Variants in CNOT6 observed in about 807,000 individuals in gnomAD.
CNOT6 encodes the protein carbon catabolite repression 4 protein.
In CNOT6, 12 loss-of-function variants were observed where a neutral mutation model predicts 61.2. The observed-to-expected ratio is 0.20, with a 90% confidence interval of 0.13 to 0.32. The LOEUF is 0.32. Ranked by LOEUF, CNOT6 falls within the 10% of genes least tolerant of loss-of-function variation. CNOT6 has a pLI of 1.00. For synonymous variants in CNOT6, 225 were observed against 240.6 expected, an observed-to-expected ratio of 0.94 and a Z score of 0.60; for missense variants, 405 against 663.9, an observed-to-expected ratio of 0.61 and a Z score of 4.28.
chr5:180,573,584 TGTGTGTGTGTGTGTGTGTCC>T lies in CNOT6; in HGVS notation c.1462-401_1462-382del, dbSNP rs1239468224. On this transcript the variant is annotated intron_variant, in intron 11 of 11. Coordinates refer to ENST00000261951, the MANE Select transcript of CNOT6 (RefSeq NM_001370472.1). Reference sequence around the variant, plus strand: ...GTGTGTGTGTGTGTGTGTGTGTGTGTGTGTGTGTGTGTGTGTGTCCGTCCGTCCGTCCGTCCTGGGGCAGG... The same window carrying T: ...GTGTGTGTGTGTGTGTGTGTGTGTGTGTCCGTCCGTCCGTCCTGGGGCAGG... Among the ~76,000 whole-genome samples the T allele has an allele frequency of 6.2e-3, 195 of 31,648 alleles. 2 individuals are homozygous for T. Among genetic ancestry groups the T allele is most frequent in the East Asian group, 0.019 (3 of 160 alleles). The allele number at this position is 31,648 out of a possible 152,430, so 20.8% of individuals were successfully genotyped here.
At chr5:180,500,442 T>TTTC (rs1475909085) in intron 1 of CNOT6, among the ~76,000 whole-genome samples, 329 of 1,698 alleles carry the variant, frequency 0.19, 1 homozygote, top group Middle Eastern at 0.5. Context: ...TTTTCTTTTC[T>TTTC]TTTTTTTTTT....
At chr5:180,530,479 A>G (rs1037764664) in intron 2 of CNOT6, among the ~76,000 whole-genome samples, 1 of 152,082 alleles carries the variant, frequency 6.6e-6, no homozygotes, top group African/African-American at 2.4e-5. Flanking sequence ...TAACCTGTTG[A>G]GTAAACTTAA....
At chr5:180,509,262 G>C (rs1274278633) in intron 1 of CNOT6, among the ~76,000 whole-genome samples, 1 of 152,142 alleles carries the variant, frequency 6.6e-6, no homozygotes, top group African/African-American at 2.4e-5. Context: ...CTCCCAAGTA[G>C]CTGGAACTAC....
chr5:180,573,549 G>A (rs1760859827), intron 11 of CNOT6, among the ~76,000 whole-genome samples: 1 of 138,170 alleles, frequency 7.2e-6, no homozygotes, highest in Non-Finnish European at 1.5e-5. Flanking sequence ...GGTGGAGGGG[G>A]GCAGTGTGTG....
chr5:180,554,603 T>G (rs1474044587), intron 4 of CNOT6, among the ~76,000 whole-genome samples: 2 of 151,948 alleles, frequency 1.3e-5, no homozygotes, highest in Non-Finnish European at 2.9e-5. Context: ...TGGTTTGTAA[T>G]TTTTTTTCTG....
At chr5:180,508,901 C>T (rs1757257616) in intron 1 of CNOT6, among the ~76,000 whole-genome samples, 1 of 151,524 alleles carries the variant, frequency 6.6e-6, no homozygotes, top group African/African-American at 2.4e-5. Flanking sequence ...TGGCTCGCTG[C>T]AACTCTCACC....
intron 1 of CNOT6, among the ~76,000 whole-genome samples, chr5:180,502,863 T>C (rs1433553380): frequency 6.6e-6 from 1 of 152,258 alleles, no homozygotes; most frequent in Non-Finnish European, 1.5e-5. Context: ...TGTAAGGTTA[T>C]GTATTGTTGT....
chr5:180,564,238 A>G (rs141198001), intron 4 of CNOT6, among the ~76,000 whole-genome samples: 300 of 152,320 alleles, frequency 2.0e-3, no homozygotes, highest in South Asian at 0.012. Flanking sequence ...GCAGGGTCAG[A>G]TATAGAGCAC....
rs2127773060 is a variant in CNOT6, at chr5:180,576,771, T to G, written c.*2571T>G. ...AGATATTTTCCGTGTCCTAAATAAT[T>G]TTCAATAATCTATAATCCCTAAAAT... is the stretch of plus-strand genomic sequence containing the variant. On this transcript the variant is annotated 3_prime_UTR_variant, in exon 12 of 12. Transcript: ENST00000261951. The G allele has an allele frequency of 6.6e-6, 1 of 152,352 alleles. No homozygotes were observed. The highest frequency in any genetic ancestry group is 2.4e-5 in the African/African-American group (1 of 41,580). The allele number at this position is 152,352 out of a possible 1,614,324, so 9.4% of individuals were successfully genotyped here.
intron 11 of CNOT6, among the ~76,000 whole-genome samples, chr5:180,573,590 TGTGTGTGTGTGTCCGTCC>T (rs1561669475): frequency 4.4e-5 from 2 of 45,916 alleles, no homozygotes; most frequent in African/African-American, 1.2e-4. Context: ...TGTGTGTGTG[TGTGTGTGTGTGTCCGTCC>T]GTCCGTCCGT....
rs1474022647 is a variant in CNOT6 at position 180,550,003 on chromosome 5, C to T, written c.185C>T (p.Ser62Phe). ...HLTALHLSDN[S>F]LSRIPSDIAK... ...ACAGCTTTGCATTTGAGTGACAATT[C>T]CCTGTCCCGAATTCCTTCAGACATT... The change falls in exon 3 of 12, where the codon TCC (serine) becomes TTC (phenylalanine). Residue 62 changes from serine (S) to phenylalanine (F), a missense_variant. Transcript: ENST00000261951. 1 of 1,614,024 alleles carries T rather than the reference C, an allele frequency of 6.2e-7. No homozygotes were observed. Among genetic ancestry groups the T allele is most frequent in the Non-Finnish European group, 8.5e-7 (1 of 1,179,930 alleles).
rs1760752053 is a variant in CNOT6, at chr5:180,571,598, CTCTGT to C, written c.1461+168_1461+172del. Among the ~76,000 whole-genome samples, 9 of 152,314 alleles carry C rather than the reference CTCTGT, an allele frequency of 5.9e-5. No individual in the cohort carries two copies. The South Asian group carries it at 1.9e-3, about 32-fold the overall frequency. On this transcript the variant is annotated intron_variant, in intron 11 of 11. Coordinates refer to ENST00000261951, the MANE Select transcript of CNOT6 (RefSeq NM_001370472.1). Reference sequence around the variant, plus strand: ...GTTTTTTGTTTGAGACAAGGTCTCACTCTGTTACCCAGGCTGGAGTGCAGTGGCAC... The same window carrying C: ...GTTTTTTGTTTGAGACAAGGTCTCACTACCCAGGCTGGAGTGCAGTGGCAC...
intron 1 of CNOT6, among the ~76,000 whole-genome samples, chr5:180,499,837 T>TA (rs1236116082): frequency 2.6e-5 from 4 of 152,176 alleles, no homozygotes; most frequent in Non-Finnish European, 4.4e-5. Context: ...AAGAATTACT[T>TA]ATAATCAGAT....
chr5:180,523,218 C>T (rs561175166), intron 1 of CNOT6, among the ~76,000 whole-genome samples: 36 of 152,240 alleles, frequency 2.4e-4, no homozygotes, highest in African/African-American at 8.7e-4. Flanking sequence ...AGAGGAAAAA[C>T]AGTTTGTCTT....
At chr5:180,567,447 T>C (rs1194240341) in intron 8 of CNOT6, among the ~76,000 whole-genome samples, 1 of 152,206 alleles carries the variant, frequency 6.6e-6, no homozygotes, top group Non-Finnish European at 1.5e-5. Flanking sequence ...GTACTGCTGT[T>C]TCTTCAGGTG....
At chr5:180,511,082 G>A (rs1040597430) in intron 1 of CNOT6, among the ~76,000 whole-genome samples, 5 of 152,130 alleles carry the variant, frequency 3.3e-5, no homozygotes, top group African/African-American at 1.2e-4. Flanking sequence ...TGGGATTACA[G>A]GTGTGAGCCA....
chr5:180,565,193 C>T (rs1395887530), intron 6 of CNOT6, among the ~76,000 whole-genome samples: 7 of 152,182 alleles, frequency 4.6e-5, no homozygotes. Context: ...AATGAATACA[C>T]CCAAATTTTT....
intron 1 of CNOT6, among the ~76,000 whole-genome samples, chr5:180,522,603 A>G (rs1460777020): frequency 1.3e-5 from 2 of 151,188 alleles, no homozygotes; most frequent in Admixed American, 6.6e-5. Context: ...TTTGATTTGC[A>G]TTTTTCTGTT....
intron 1 of CNOT6, among the ~76,000 whole-genome samples, chr5:180,496,311 C>A (rs1336487422): frequency 6.6e-6 from 1 of 152,104 alleles, no homozygotes; most frequent in Non-Finnish European, 1.5e-5. Context: ...AAACAAAATA[C>A]ATGAACAGCT....
Sources: gnomAD v4.1 joint callset for allele counts (sites outside exome capture counted in the v4.1 genomes callset) on GRCh38, gnomAD v4.1.1 for gene constraint, MANE v1.5 for transcripts, NCBI Gene and HGNC (gene_info 2026-07-23, HGNC 2026-07-21) for gene names.